RGS9: variants seen among roughly 807,000 people sequenced by gnomAD.
The protein encoded by RGS9 is regulator of G-protein signalling 9.
Under a neutral mutation model 102.0 loss-of-function variants are expected in RGS9, and 78 were observed. The observed-to-expected ratio is 0.76, with a 90% confidence interval of 0.64 to 0.92. The LOEUF is 0.92. Among genes scored for constraint, RGS9 ranks in the 40% least tolerant of loss-of-function variants. The pLI, the probability that RGS9 is intolerant of heterozygous loss-of-function variation, is 0.00. For synonymous variants in RGS9, 353 were observed against 318.6 expected (o/e 1.11, Z -1.15); for missense variants, 833 against 866.1 (o/e 0.96, Z 0.48).
At chr17:65,225,722 C>T (rs1905636136) in intron 18 of RGS9, 1 of 587,686 alleles carries the variant, frequency 1.7e-6, no homozygotes, top group Non-Finnish European at 3.0e-6. Context: ...AAATCTTTTC[C>T]ATTTTTCCAA....
intron 3 of RGS9, chr17:65,158,604 G>C (rs1203689251): frequency 1.8e-6 from 1 of 563,282 alleles, no homozygotes; most frequent in Non-Finnish European, 3.2e-6. Flanking sequence ...TCCTGGAGGG[G>C]GTGCTGTGTA....
chr17:65,160,282 C>T lies in RGS9; in HGVS notation c.255C>T (p.Pro85=), dbSNP rs61739547. 6.2e-7 allele frequency: 1 copy of T among 1,614,158 alleles called. No individual in the cohort carries two copies. The highest frequency in any genetic ancestry group is 2.2e-5 in the East Asian group (1 of 44,888). Residue 85 remains proline, a synonymous_variant, in exon 4 of 19, where the codon CCC becomes CCT. Transcript: ENST00000262406. ...NFIVRYGYIY[P]LQDPKNLILK... ...TTGTCAGGTATGGCTACATTTACCC[C>T]CTGCAAGACCCCAAGAATCTCATTC...
intron 9 of RGS9, among the ~76,000 whole-genome samples, chr17:65,183,560 G>A (rs565151379): frequency 3.3e-4 from 50 of 152,260 alleles, no homozygotes; most frequent in African/African-American, 9.6e-4. Flanking sequence ...GCCTCCCAGG[G>A]TGCTGGGATT....
intron 3 of RGS9, 152 bp from the exon 4 acceptor site, chr17:65,160,081 C>T (rs371848351): frequency 1.4e-6 from 1 of 739,482 alleles, no homozygotes; most frequent in Non-Finnish European, 2.4e-6. Flanking sequence ...TTGTCCACAG[C>T]CAAGTTCAGC....
At chr17:65,157,263 T>C (rs1910802810) in intron 2 of RGS9, among the ~76,000 whole-genome samples, 1 of 152,124 alleles carries the variant, frequency 6.6e-6, no homozygotes, top group African/African-American at 2.4e-5. Context: ...CATTGGCATC[T>C]GCACGATGGT....
intron 17 of RGS9, among the ~76,000 whole-genome samples, chr17:65,211,952 T>C (rs1913321041): frequency 6.6e-6 from 1 of 152,248 alleles, no homozygotes; most frequent in Non-Finnish European, 1.5e-5. Context: ...TGTGTGGCTC[T>C]GTGGATCTTG....
At position 65,204,138 on chromosome 17, in the gene RGS9, T is replaced by C. The variant is rs1912956104; in HGVS notation, c.1065-25T>C. ...TGAATTGACTTGGTTTAGTTACTTT[T>C]GCTAACATCTCCCTCCCACCCCAGG... On this transcript the variant is annotated intron_variant, in intron 14 of 18. Transcript: ENST00000262406. 1.9e-6 allele frequency: 3 copies of C among 1,612,024 alleles called. No homozygotes were observed. In the East Asian group the frequency reaches 6.7e-5, roughly 36 times the overall value.
intron 1 of RGS9, among the ~76,000 whole-genome samples, chr17:65,148,485 C>A (rs1910454315): frequency 6.6e-6 from 1 of 152,156 alleles, no homozygotes; most frequent in Non-Finnish European, 1.5e-5. Context: ...TTCTGATGAA[C>A]CTCCATACTG....
At chr17:65,206,352 C>T (rs1015067082) in intron 15 of RGS9, among the ~76,000 whole-genome samples, 3 of 152,132 alleles carry the variant, frequency 2.0e-5, no homozygotes, top group East Asian at 1.9e-4. Flanking sequence ...TAATAATCCT[C>T]TTTAATGTAT....
At chr17:65,224,904 C>T (rs767638999) in intron 17 of RGS9, 98 bp from the exon 18 acceptor site, 10 of 1,528,718 alleles carry the variant, frequency 6.5e-6, no homozygotes, top group East Asian at 2.2e-5. Context: ...GCACTCTTGT[C>T]GCTGGAAGGG....
At chr17:65,189,773 T>C (rs918114539) in intron 10 of RGS9, among the ~76,000 whole-genome samples, 2 of 151,740 alleles carry the variant, frequency 1.3e-5, no homozygotes, top group East Asian at 1.9e-4. Flanking sequence ...AGGAAGGTGG[T>C]TGAGGAGGGG....
In RGS9 at chr17:65,207,974, A is replaced by G. The variant is rs368922750; in HGVS notation, c.1256A>G (p.Lys419Arg). The change falls in exon 16 of 19, where the codon AAA (lysine) becomes AGA (arginine). Residue 419 changes from lysine (K) to arginine (R), a missense_variant. Physicochemically the swap from Lys to Arg is conservative, Grantham distance 26. This residue lies in a region of RGS9 where 185 missense variants were observed against 248.7 expected (regional missense o/e 0.74). Transcript: ENST00000262406. ...KSPIYKDMLA[K>R]AIEPQETTKK... is the part of the protein sequence containing the mutation. ...CCGATCTATAAGGACATGCTGGCCA[A>G]AGCTATTGAACCTCAGGAAACCACC... The G allele has an allele frequency of 3.8e-5, 62 of 1,613,470 alleles. No homozygotes were observed. The African/African-American group carries it at 5.9e-4, about 15-fold the overall frequency.
Position 65,168,258 on chromosome 17 carries a change from T to C in RGS9, c.559T>C (p.Tyr187His). 6.2e-7 allele frequency: 1 copy of C among 1,610,668 alleles called. No individual in the cohort carries two copies. The highest frequency in any genetic ancestry group is 8.5e-7 in the Non-Finnish European group (1 of 1,178,532). ...RYALDCQEKA[Y>H]WLVHRCPPGM... ...TGCCCTGGACTGCCAGGAGAAGGCATACTGGCTGGTGCACCGATGCCCTGT... is the reference window on the plus strand; with the variant it reads ...TGCCCTGGACTGCCAGGAGAAGGCACACTGGCTGGTGCACCGATGCCCTGT... Residue 187 changes from tyrosine (Y) to histidine (H), a missense_variant, in exon 8 of 19, where the codon TAC (tyrosine) becomes CAC (histidine). This residue lies in a region of RGS9 where 328 missense variants were observed against 340.6 expected (regional missense o/e 0.96). Transcript: ENST00000262406.
rs557511016 is a variant in RGS9 at position 65,160,581 on chromosome 17, G to A, written c.358G>A (p.Asp120Asn). The change falls in exon 5 of 19, where the codon GAT (aspartate) becomes AAT (asparagine). Residue 120 changes from aspartate to asparagine, a missense_variant. Physicochemically the swap from Asp to Asn is conservative, Grantham distance 23 (BLOSUM62 1). Transcript: ENST00000262406. ...PTQQWPAEDT[D>N]YAIYLAKRNI... is the part of the protein sequence containing the mutation. ...CCAGCAGTGGCCAGCTGAAGATACC[G>A]ATTACGGTAAATACTTCAGCCCCAA... 9.9e-6 allele frequency: 16 copies of A among 1,614,128 alleles called. No individual in the cohort carries two copies. Among genetic ancestry groups the A allele is most frequent in the African/African-American group, 5.3e-5 (4 of 75,044 alleles).
At chr17:65,163,765 G>A (rs1049573736) in intron 7 of RGS9, among the ~76,000 whole-genome samples, 2 of 152,176 alleles carry the variant, frequency 1.3e-5, no homozygotes, top group African/African-American at 2.4e-5. Context: ...CTCTCAGCAG[G>A]CAGAACCAGA....
rs911656867 is a variant in RGS9, at chr17:65,206,427, C to T, written c.1204-1495C>T. Among the ~76,000 whole-genome samples the T allele has an allele frequency of 3.9e-5, 6 of 152,152 alleles. No homozygotes were observed. The East Asian group carries it at 1.2e-3, about 29-fold the overall frequency. ...GGGCGCAGTGGCTCACGCCTGTAAT[C>T]CCAGTACTTTGGAAGGCTGAGGTGG... On this transcript the variant is annotated intron_variant, in intron 15 of 18. Transcript: ENST00000262406.
chr17:65,213,592 G>A (rs1913386537), intron 17 of RGS9, among the ~76,000 whole-genome samples: 2 of 152,168 alleles, frequency 1.3e-5, no homozygotes, highest in South Asian at 4.2e-4. Context: ...GGTGGTGTGG[G>A]CATCGCATGC....
intron 9 of RGS9, among the ~76,000 whole-genome samples, chr17:65,178,637 A>T (rs966329254): frequency 3.3e-5 from 5 of 152,058 alleles, no homozygotes; most frequent in African/African-American, 1.2e-4. Context: ...CCAAGTAGCT[A>T]GGACCACAGG....
At chr17:65,142,338 G>A (rs59445569) in intron 1 of RGS9, among the ~76,000 whole-genome samples, 9,946 of 152,236 alleles carry the variant, frequency 0.065, 564 homozygotes, top group African/African-American at 0.16. Context: ...GAGTTTGATG[G>A]CTTCTGTGTT....
Sources: allele counts gnomAD v4.1 joint callset (sites outside exome capture counted in the v4.1 genomes callset), GRCh38; gene constraint gnomAD v4.1.1; regional missense constraint gnomAD v4.1.1; transcripts MANE v1.5; gene names NCBI Gene and HGNC (gene_info 2026-07-23, HGNC 2026-07-21).